The following ATF7IP2 variants were observed in gnomAD, a reference collection of about 807,000 sequenced individuals.
ATF7IP2 encodes activating transcription factor 7 interacting protein 2.
Under a neutral mutation model 64.2 loss-of-function variants are expected in ATF7IP2, and 42 were observed. The ratio of observed to expected loss-of-function variants is 0.65; its 90% CI spans 0.51 to 0.85. The LOEUF (loss-of-function observed/expected upper bound fraction) is 0.85. ATF7IP2 is among the 40% of genes least tolerant of loss of function. The probability of loss-of-function intolerance (pLI) is 0.00; values close to 1 mark genes in which losing one functional copy is unlikely to be tolerated. For missense variants in ATF7IP2, 933 were observed against 784.2 expected (o/e 1.19, Z -2.27); for synonymous variants, 308 against 272.8 (o/e 1.13, Z -1.27).
chr16:10,419,765 G>A (rs1427123295), intron 3 of ATF7IP2, 142 bp downstream of exon 3: 4 of 152,194 alleles, frequency 2.6e-5, no homozygotes, highest in Admixed American at 6.5e-5. Context: ...AAGGCTTTAG[G>A]TATCTCAGTG....
At chr16:10,411,848 A>G (rs2047766342) in intron 1 of ATF7IP2, among the ~76,000 whole-genome samples, 1 of 145,436 alleles carries the variant, frequency 6.9e-6, no homozygotes. Context: ...ATGATCTTTT[A>G]TATTTCTGTG....
chr16:10,426,852 TTTG>T (rs997762687), intron 3 of ATF7IP2, among the ~76,000 whole-genome samples: 14 of 152,198 alleles, frequency 9.2e-5, no homozygotes, highest in Admixed American at 2.6e-4. Context: ...TTGGTTTTTT[TTTG>T]TTGTTGTTTT....
At chr16:10,442,921 G>C (rs2048677280) in intron 8 of ATF7IP2, among the ~76,000 whole-genome samples, 1 of 152,156 alleles carries the variant, frequency 6.6e-6, no homozygotes, top group African/African-American at 2.4e-5. Context: ...CCCTGCAGCT[G>C]TTTGGTTTCA....
intron 7 of ATF7IP2, among the ~76,000 whole-genome samples, chr16:10,439,465 A>T (rs544661082): frequency 6.8e-6 from 1 of 147,408 alleles, no homozygotes; most frequent in South Asian, 2.1e-4. Context: ...CAATCTCCTG[A>T]CCTCATGATC....
At chr16:10,426,718 G>T (rs1023535426) in intron 3 of ATF7IP2, among the ~76,000 whole-genome samples, 2 of 152,202 alleles carry the variant, frequency 1.3e-5, no homozygotes, top group Middle Eastern at 3.4e-3. Flanking sequence ...AAGGAAGAGA[G>T]ATCAAACTTT....
chr16:10,471,667 T>C lies in ATF7IP2; in HGVS notation c.1353-443T>C, dbSNP rs1326669952. 4.6e-5 allele frequency among the ~76,000 whole-genome samples: 7 copies of C among 152,192 alleles called. 1 individual carries two copies. ...ACTGGAGAGATAAAATGAAGAGTAGTAGCAGTTCTTTTTAAAATAATTTTC... is the reference window on the plus strand; with the variant it reads ...ACTGGAGAGATAAAATGAAGAGTAGCAGCAGTTCTTTTTAAAATAATTTTC... On this transcript the variant is annotated intron_variant, in intron 9 of 13. Coordinates refer to ENST00000562102, the MANE Select transcript of ATF7IP2 (RefSeq NM_001393719.1).
intron 8 of ATF7IP2, chr16:10,448,759 G>C (rs2048892411): frequency 6.6e-6 from 1 of 152,156 alleles, no homozygotes; most frequent in Admixed American, 6.5e-5. Flanking sequence ...TGCAAACAGA[G>C]ACAATTTGAC....
At chr16:10,426,562 G>A (rs2048089888) in intron 3 of ATF7IP2, among the ~76,000 whole-genome samples, 1 of 152,012 alleles carries the variant, frequency 6.6e-6, no homozygotes, top group Admixed American at 6.6e-5. Context: ...CTCTGAGCTG[G>A]CACTCTGCAT....
At position 10,479,847 on chromosome 16, in the gene ATF7IP2, C is replaced by T. The variant is rs564313240; in HGVS notation, c.1550-1032C>T. Among the ~76,000 whole-genome samples, 48 of 150,190 alleles carry T rather than the reference C, an allele frequency of 3.2e-4. No homozygotes were observed. The East Asian group carries it at 3.5e-3, about 11-fold the overall frequency. ...AAAGTCAGAAAACAACAGATGCTGG[C>T]GAGGATGTGGAGAAATAGGAATGCG... On this transcript the variant is annotated intron_variant, in intron 12 of 13. Transcript: ENST00000562102.
At chr16:10,405,200 TA>T (rs879893228) in intron 1 of ATF7IP2, among the ~76,000 whole-genome samples, 224 of 141,978 alleles carry the variant, frequency 1.6e-3, no homozygotes, top group Middle Eastern at 0.011. Flanking sequence ...CGGTCTCTAC[TA>T]AAAAAAAAAA....
intron 9 of ATF7IP2, among the ~76,000 whole-genome samples, chr16:10,468,817 G>T (rs2049680303): frequency 6.6e-6 from 1 of 152,184 alleles, no homozygotes; most frequent in Admixed American, 6.5e-5. Flanking sequence ...TTTCCCCCTG[G>T]CTAGAAGAAA....
intron 8 of ATF7IP2, 80 bp from the exon 9 acceptor site, chr16:10,457,292 C>G (rs2049203154): frequency 1.4e-5 from 18 of 1,289,888 alleles, no homozygotes; most frequent in Non-Finnish European, 1.9e-5. Flanking sequence ...TGCAAGAATA[C>G]TTTGAAAATG....
intron 1 of ATF7IP2, chr16:10,386,762 AAT>A (rs1295905240): frequency 6.6e-6 from 1 of 152,180 alleles, no homozygotes; most frequent in Non-Finnish European, 1.5e-5. Flanking sequence ...CGTTTTTATG[AAT>A]ATGTTTTTAA....
chr16:10,399,534 T>C (rs1190857787), intron 1 of ATF7IP2, among the ~76,000 whole-genome samples: 2 of 152,236 alleles, frequency 1.3e-5, no homozygotes, highest in Non-Finnish European at 2.9e-5. Context: ...CTCTGTTCAG[T>C]TGATCTGTAT....
At chr16:10,479,344 C>G (rs1347075739) in intron 12 of ATF7IP2, among the ~76,000 whole-genome samples, 1 of 151,934 alleles carries the variant, frequency 6.6e-6, no homozygotes, top group Non-Finnish European at 1.5e-5. Context: ...AGTTCATGTC[C>G]GTTGTAGGGA....
chr16:10,471,096 A>G (rs1441392828), intron 9 of ATF7IP2, among the ~76,000 whole-genome samples: 2 of 152,128 alleles, frequency 1.3e-5, no homozygotes, highest in African/African-American at 2.4e-5. Flanking sequence ...ACAGGAAAAG[A>G]TGTTCTTTTC....
intron 2 of ATF7IP2, among the ~76,000 whole-genome samples, chr16:10,418,528 A>G (rs2047923758): frequency 6.6e-6 from 1 of 152,186 alleles, no homozygotes. Context: ...CAAAGACAAC[A>G]CAGATTAAAA....
rs1223199675 is a variant in ATF7IP2 at position 10,483,381 on chromosome 16, G to A, written c.*1132G>A. ...GTGTCTTGTGCCCACCTCTTCCTGA[G>A]AAGAGATGGAAGTGGAGCTGTGACT... On this transcript the variant is annotated 3_prime_UTR_variant, in exon 14 of 14. Transcript: ENST00000562102. The A allele has an allele frequency of 6.6e-6, 1 of 152,146 alleles. No homozygotes were observed. Among genetic ancestry groups the A allele is most frequent in the Non-Finnish European group, 1.5e-5 (1 of 68,038 alleles). The allele number at this position is 152,146 out of a possible 1,614,324, so 9.4% of individuals were successfully genotyped here.
intron 8 of ATF7IP2, among the ~76,000 whole-genome samples, chr16:10,452,357 C>T (rs1346703597): frequency 2.0e-5 from 3 of 152,162 alleles, no homozygotes; most frequent in African/African-American, 7.2e-5. Context: ...GTTTGTTACT[C>T]TTCTGTCAGG....
Sources: allele counts gnomAD v4.1 joint callset (sites outside exome capture counted in the v4.1 genomes callset), GRCh38; gene constraint gnomAD v4.1.1; transcripts MANE v1.5; gene names NCBI Gene and HGNC (gene_info 2026-07-23, HGNC 2026-07-21).